FAM187A: variants seen among roughly 807,000 people sequenced by gnomAD.
FAM187A encodes Ig-like V-type domain-containing protein FAM187A.
Under a neutral mutation model 6.4 loss-of-function variants are expected in FAM187A, and 4 were observed. That is an observed-to-expected ratio of 0.63 (90% CI 0.31 to 1.44). The LOEUF is 1.44. Ranked by LOEUF, FAM187A falls within the 40% of genes most tolerant of loss-of-function variation. The pLI, the probability that FAM187A is intolerant of heterozygous loss-of-function variation, is 0.07. For synonymous variants in FAM187A, 221 were observed against 213.4 expected, an observed-to-expected ratio of 1.04 and a Z score of -0.31; for missense variants, 463 against 542.2, an observed-to-expected ratio of 0.85 and a Z score of 1.45.
exon 4 of FAM187A, chr17:44,904,737 A>G: frequency 6.4e-7 from 1 of 1,550,548 alleles, no homozygotes; most frequent in Non-Finnish European, 8.7e-7. Context: ...TGGGACAAAG[A>G]CCGCCAGCAC....
At chr17:44,904,593 C>T in exon 4 of FAM187A, 2 of 1,550,564 alleles carry the variant, frequency 1.3e-6, no homozygotes, top group Middle Eastern at 1.7e-4. Context: ...GGCGTGCTGG[C>T]CATCATTAAC....
At chr17:44,904,676 C>T in exon 4 of FAM187A, 3 of 1,550,552 alleles carry the variant, frequency 1.9e-6, no homozygotes, top group Non-Finnish European at 2.6e-6. Context: ...GAGACTGGGC[C>T]ATGGACTCAT....
At chr17:44,904,524 C>T in exon 4 of FAM187A, 1 of 1,550,456 alleles carries the variant, frequency 6.4e-7, no homozygotes, top group Non-Finnish European at 8.7e-7. Flanking sequence ...GACCACACGC[C>T]TGAGGTGCTG....
chr17:44,903,843 T>C, exon 4 of FAM187A: 1 of 1,547,930 alleles, frequency 6.5e-7, no homozygotes, highest in South Asian at 1.2e-5. Context: ...CACCTGGCCC[T>C]CACCACTGTG....
exon 4 of FAM187A, chr17:44,903,736 T>C (rs9904512): frequency 0.33 from 483,286 of 1,453,370 alleles, 81,363 homozygotes; most frequent in Non-Finnish European, 0.35. Flanking sequence ...TTTCCTCATC[T>C]AGAGGCTTCC....
At chr17:44,904,707 G>A (rs1205118251) in exon 4 of FAM187A, 7 of 1,550,434 alleles carry the variant, frequency 4.5e-6, no homozygotes, top group East Asian at 2.4e-5. Context: ...CCTGGGGCCC[G>A]GCCAGAGCAT....
chr17:44,904,805 C>T (rs951225795), exon 4 of FAM187A: 7 of 1,550,542 alleles, frequency 4.5e-6, no homozygotes, highest in Non-Finnish European at 5.2e-6. Context: ...GTTCATTGAC[C>T]ACGGCAACCA....
exon 4 of FAM187A, chr17:44,904,822 C>T (rs1468439626): frequency 1.5e-5 from 23 of 1,550,586 alleles, no homozygotes; most frequent in Non-Finnish European, 1.7e-5. Context: ...ACCAGCTCCA[C>T]ATCCGCTTCA....
At chr17:44,904,959 CTGTGGAGCT>C in exon 4 of FAM187A, 1 of 1,550,754 alleles carries the variant, frequency 6.4e-7, no homozygotes, top group South Asian at 1.2e-5. Flanking sequence ...ACTCGCTCGG[CTGTGGAGCT>C]CACCCTGATA....
chr17:44,903,604 C>G (rs886053015), exon 4 of FAM187A: 6 of 1,405,360 alleles, frequency 4.3e-6, no homozygotes, highest in Admixed American at 3.2e-5. Context: ...GCTTTCCCCC[C>G]CCACCCTGAG....
In FAM187A at chr17:44,905,000, G is replaced by A. The variant is rs1043708015; in HGVS notation, c.1171G>A (p.Val391Ile). Reference sequence around the variant, plus strand: ...GATAGGCTACCTGCTCATCACAGCAGTCTTTGTCACCATTCACTTCTGTCG... The same window carrying A: ...GATAGGCTACCTGCTCATCACAGCAATCTTTGTCACCATTCACTTCTGTCG... The change falls in exon 4 of 4, where the codon GTC (valine) becomes ATC (isoleucine). Residue 391 changes from valine to isoleucine, a missense_variant. Coordinates refer to ENST00000331733, the Ensembl canonical transcript of FAM187A. The A allele has an allele frequency of 1.7e-5, 27 of 1,550,760 alleles. No individual in the cohort carries two copies. The Admixed American group carries it at 5.3e-4, about 30-fold the overall frequency.
exon 4 of FAM187A, chr17:44,904,579 G>A (rs1394390144): frequency 7.1e-6 from 11 of 1,550,598 alleles, no homozygotes; most frequent in Admixed American, 2.0e-5. Flanking sequence ...AGACCATCCG[G>A]GAGGGCGTGC....
At chr17:44,903,805 CCTCTGACCCCTGCCT>C (rs2145617467) in exon 4 of FAM187A, 1 of 1,539,924 alleles carries the variant, frequency 6.5e-7, no homozygotes, top group East Asian at 2.4e-5. Flanking sequence ...TTGCCCTGCC[CCTCTGACCCCTGCCT>C]CCTTCAGGTA....
chr17:44,904,090 G>A (rs1363639135), exon 4 of FAM187A: 21 of 1,550,650 alleles, frequency 1.4e-5, no homozygotes, highest in Non-Finnish European at 1.7e-5. Flanking sequence ...GGCGGGTGCT[G>A]ACGGAGGCAG....
At chr17:44,904,572 C>T in exon 4 of FAM187A, 1 of 1,550,576 alleles carries the variant, frequency 6.4e-7, no homozygotes, top group East Asian at 2.4e-5. Context: ...AAGACAAAGA[C>T]CATCCGGGAG....
exon 4 of FAM187A, chr17:44,904,635 T>C: frequency 6.4e-7 from 1 of 1,550,534 alleles, no homozygotes; most frequent in Non-Finnish European, 8.7e-7. Context: ...CGGCCCTGGG[T>C]GCCCCAGGTG....
At chr17:44,904,929 C>T in exon 4 of FAM187A, 1 of 1,550,640 alleles carries the variant, frequency 6.4e-7, no homozygotes, top group Non-Finnish European at 8.7e-7. Flanking sequence ...CACTACCCAG[C>T]CTCGTTCTCA....
chr17:44,905,280 C>A, exon 4 of FAM187A: 1 of 584,008 alleles, frequency 1.7e-6, no homozygotes, highest in Non-Finnish European at 3.1e-6. Flanking sequence ...GGGGACTGAG[C>A]TCAGGATGGA....
chr17:44,904,639 C>T, exon 4 of FAM187A: 1 of 1,550,546 alleles, frequency 6.4e-7, no homozygotes, highest in Non-Finnish European at 8.7e-7. Flanking sequence ...CCTGGGTGCC[C>T]CAGGTGCCCA....
Sources: allele counts gnomAD v4.1 joint callset, GRCh38; gene constraint gnomAD v4.1.1; transcripts MANE v1.5; gene names NCBI Gene and HGNC (gene_info 2026-07-23, HGNC 2026-07-21).